PRKG2: variants seen among roughly 807,000 people sequenced by gnomAD.
The protein encoded by PRKG2 is cGMP-dependent protein kinase 2.
A neutral mutation model predicts 97.2 loss-of-function variants in PRKG2; 33 were observed. The observed-to-expected ratio is 0.34, with a 90% CI of 0.26 to 0.45. The LOEUF (loss-of-function observed/expected upper bound fraction) is 0.45, where lower values mean the gene tolerates loss of function less well. Ranked by LOEUF, PRKG2 falls within the 20% of genes least tolerant of loss-of-function variation. The pLI is 1.00. For missense variants in PRKG2, 638 were observed against 900.0 expected, an observed-to-expected ratio of 0.71 and a Z score of 3.73; for synonymous variants, 330 against 321.8, an observed-to-expected ratio of 1.03 and a Z score of -0.27.
chr4:81,105,675 G>T, intron 16 of PRKG2, 138 bp downstream of exon 16: 2 of 1,238,388 alleles, frequency 1.6e-6, no homozygotes. Flanking sequence ...AACAGAAAAT[G>T]ACTTCCTTCA....
At chr4:81,216,891 T>TTGTGTG (rs68179456), upstream of PRKG2, among the ~76,000 whole-genome samples, 506 of 131,496 alleles carry the variant, frequency 3.8e-3, 5 homozygotes, top group African/African-American at 5.8e-3. Context: ...TAGTATTCCA[T>TTGTGTG]TGTGTGTGTG....
At chr4:81,142,601 T>C (rs536232877) in intron 11 of PRKG2, among the ~76,000 whole-genome samples, 193 bp downstream of exon 11, 1 of 152,310 alleles carries the variant, frequency 6.6e-6, no homozygotes, top group Admixed American at 6.5e-5. Context: ...AGTTGATTAT[T>C]ACAAGTTACT....
intron 11 of PRKG2, among the ~76,000 whole-genome samples, chr4:81,142,121 CTTGT>C (rs1455184401): frequency 6.6e-6 from 1 of 152,210 alleles, no homozygotes; most frequent in Admixed American, 6.5e-5. Context: ...CCTTAGAATA[CTTGT>C]TTGACAGTAC....
At chr4:81,100,138 C>G (rs2109958743) in intron 17 of PRKG2, among the ~76,000 whole-genome samples, 1 of 151,528 alleles carries the variant, frequency 6.6e-6, no homozygotes, top group East Asian at 2.0e-4. Flanking sequence ...GCCATACTGC[C>G]CAAGGTAATT....
At chr4:81,198,567 A>C (rs1377245089) in intron 2 of PRKG2, among the ~76,000 whole-genome samples, 9 of 152,096 alleles carry the variant, frequency 5.9e-5, no homozygotes, top group Non-Finnish European at 1.3e-4. Context: ...TGTAGGCTGC[A>C]CAGGCTATAA....
intron 2 of PRKG2, among the ~76,000 whole-genome samples, chr4:81,195,838 A>G (rs1454555418): frequency 6.6e-6 from 1 of 152,186 alleles, no homozygotes; most frequent in East Asian, 1.9e-4. Flanking sequence ...ATGGATGTAC[A>G]AGATTTTTTA....
intron 2 of PRKG2, among the ~76,000 whole-genome samples, chr4:81,196,335 T>A (rs1310470095): frequency 6.6e-6 from 1 of 152,222 alleles, no homozygotes; most frequent in Non-Finnish European, 1.5e-5. Flanking sequence ...AAGTCACACC[T>A]GGACTCTTGG....
At chr4:81,097,904 C>A (rs1742289634) in intron 17 of PRKG2, among the ~76,000 whole-genome samples, 1 of 152,122 alleles carries the variant, frequency 6.6e-6, no homozygotes, top group Admixed American at 6.6e-5. Context: ...GGTTTGATCT[C>A]TGTAAAGACT....
chr4:81,134,255 C>A (rs975319474), intron 14 of PRKG2, among the ~76,000 whole-genome samples: 1 of 152,136 alleles, frequency 6.6e-6, no homozygotes, highest in Non-Finnish European at 1.5e-5. Context: ...TCTAACCTAT[C>A]TTACAGATTG....
intron 3 of PRKG2, among the ~76,000 whole-genome samples, chr4:81,174,549 G>T (rs1011177651): frequency 6.6e-6 from 1 of 151,882 alleles, no homozygotes; most frequent in Admixed American, 6.6e-5. Flanking sequence ...GATAAAATGT[G>T]ATCTCTCTAT....
chr4:81,151,258 A>T (rs189966776), intron 8 of PRKG2, among the ~76,000 whole-genome samples: 5 of 152,260 alleles, frequency 3.3e-5, no homozygotes, highest in African/African-American at 1.2e-4. Flanking sequence ...GAAAACATAG[A>T]TAATTCCAAT....
intron 14 of PRKG2, among the ~76,000 whole-genome samples, chr4:81,113,361 G>A (rs1744173630): frequency 1.4e-5 from 2 of 146,820 alleles, no homozygotes; most frequent in Middle Eastern, 3.5e-3. Flanking sequence ...TTCAAGAAGA[G>A]CACCCCCCCT....
At chr4:81,203,935 C>T (rs1377052716) in intron 2 of PRKG2, among the ~76,000 whole-genome samples, 2 of 152,198 alleles carry the variant, frequency 1.3e-5, no homozygotes, top group African/African-American at 4.8e-5. Context: ...GTCTCCCTGA[C>T]CTCCTTTCCC....
At chr4:81,200,077 T>C (rs1228589574) in intron 2 of PRKG2, among the ~76,000 whole-genome samples, 1 of 152,204 alleles carries the variant, frequency 6.6e-6, no homozygotes, top group Non-Finnish European at 1.5e-5. Context: ...CAGCATGAGC[T>C]CCTATTTTTG....
intron 17 of PRKG2, among the ~76,000 whole-genome samples, chr4:81,098,203 C>T (rs1410643079): frequency 6.6e-6 from 1 of 152,110 alleles, no homozygotes; most frequent in Non-Finnish European, 1.5e-5. Flanking sequence ...ACATCTTTCT[C>T]CTGTACTGGA....
intron 14 of PRKG2, among the ~76,000 whole-genome samples, chr4:81,127,978 A>G (rs537344330): frequency 6.6e-6 from 1 of 152,266 alleles, no homozygotes; most frequent in South Asian, 2.1e-4. Flanking sequence ...TGTCATAAAT[A>G]GCTGTTATTA....
At chr4:81,198,216 C>CA (rs760381790) in intron 2 of PRKG2, among the ~76,000 whole-genome samples, 11 of 152,124 alleles carry the variant, frequency 7.2e-5, no homozygotes, top group Admixed American at 2.0e-4. Context: ...GACTAAAGGG[C>CA]AGATATCAAC....
chr4:81,183,608 A>G (rs1489119328), intron 2 of PRKG2, among the ~76,000 whole-genome samples: 1 of 150,926 alleles, frequency 6.6e-6, no homozygotes, highest in Non-Finnish European at 1.5e-5. Flanking sequence ...TTTTTTTTTC[A>G]TACCCCCGTG....
chr4:81,178,570 G>A (rs1351671872), intron 2 of PRKG2, among the ~76,000 whole-genome samples: 2 of 151,770 alleles, frequency 1.3e-5, no homozygotes, highest in East Asian at 3.9e-4. Flanking sequence ...AATATCTGAA[G>A]CTTGACACGC....
Sources: gnomAD v4.1 joint callset for allele counts (sites outside exome capture counted in the v4.1 genomes callset) on GRCh38, gnomAD v4.1.1 for gene constraint, MANE v1.5 for transcripts, NCBI Gene and HGNC (gene_info 2026-07-23, HGNC 2026-07-21) for gene names.